Variants in CCDC170 observed in about 807,000 individuals in gnomAD.
CCDC170 encodes the protein coiled-coil domain containing 170, also known as coiled-coil domain-containing protein 170.
CCDC170 carries 69 observed loss-of-function variants against 72.6 expected under a neutral mutation model. The observed-to-expected ratio is 0.95, with a 90% confidence interval of 0.78 to 1.16. CCDC170 has a LOEUF of 1.16. Among genes scored for constraint, CCDC170 ranks in the 50% most tolerant of loss-of-function variants. The probability of loss-of-function intolerance (pLI) is 0.00; values close to 1 mark genes in which losing one functional copy is unlikely to be tolerated. For synonymous variants in CCDC170, 300 were observed against 303.9 expected (o/e 0.99, Z 0.13); for missense variants, 852 against 832.5 (o/e 1.02, Z -0.29).
At chr6:151,604,996 C>T (rs1350030563) in intron 9 of CCDC170, among the ~76,000 whole-genome samples, 24 of 152,110 alleles carry the variant, frequency 1.6e-4, no homozygotes, top group Admixed American at 1.5e-3. Context: ...AAACTTATTC[C>T]TTCTATCCAG....
At chr6:151,534,988 A>T (rs1046356454) in intron 1 of CCDC170, among the ~76,000 whole-genome samples, 4 of 152,182 alleles carry the variant, frequency 2.6e-5, no homozygotes, top group Admixed American at 2.6e-4. Context: ...TGGAAACTCC[A>T]TAGAGGTGGT....
At position 151,596,481 on chromosome 6, in the gene CCDC170, G is replaced by A; in HGVS notation, c.1614G>A (p.Leu538=). The stretch of plus-strand genomic sequence containing the variant: ...ACGCGCATCTTACCATCAGGAACTT[G>A]CAGAAGAAGGTGGAGAGGCTGCAGA... ...RDNAHLTIRN[L]QKKVERLQKE... The change falls in exon 9 of 11, where the codon TTG becomes TTA. Residue 538 remains leucine (L), a synonymous_variant. Coordinates refer to ENST00000239374, the MANE Select transcript of CCDC170 (RefSeq NM_025059.4). 1.2e-6 allele frequency: 2 copies of A among 1,614,116 alleles called. No individual in the cohort carries two copies. Among genetic ancestry groups the A allele is most frequent in the South Asian group, 1.1e-5 (1 of 91,084 alleles).
At chr6:151,604,139 C>T (rs1046426566) in intron 9 of CCDC170, among the ~76,000 whole-genome samples, 24 of 152,170 alleles carry the variant, frequency 1.6e-4, no homozygotes, top group African/African-American at 5.6e-4. Flanking sequence ...ATTCTTCAGC[C>T]ACCTGTGAAG....
intron 1 of CCDC170, among the ~76,000 whole-genome samples, chr6:151,516,355 G>C (rs918297487): frequency 7.9e-5 from 12 of 152,186 alleles, no homozygotes; most frequent in African/African-American, 2.9e-4. Flanking sequence ...TGGCCAAGAG[G>C]AGGTCTCCAT....
chr6:151,500,285 T>G (rs1781976938), intron 1 of CCDC170, among the ~76,000 whole-genome samples: 1 of 151,288 alleles, frequency 6.6e-6, no homozygotes, highest in African/African-American at 2.4e-5. Context: ...TCTAGTTGCA[T>G]GTCTTCATAT....
chr6:151,577,905 G>A (rs1776326948), intron 6 of CCDC170, among the ~76,000 whole-genome samples: 1 of 152,138 alleles, frequency 6.6e-6, no homozygotes, highest in African/African-American at 2.4e-5. Flanking sequence ...GTTTCATTCT[G>A]ACACAAAAAT....
rs1422528620 is a variant in CCDC170, at chr6:151,593,179, A to G, written c.1366A>G (p.Met456Val). Residue 456 changes from methionine to valine, a missense_variant, in exon 8 of 11, where the codon ATG (methionine) becomes GTG (valine). Met to Val is a conservative substitution (Grantham distance 21). Coordinates refer to ENST00000239374, the MANE Select transcript of CCDC170 (RefSeq NM_025059.4). Reference sequence around the variant, plus strand: ...GATGGCTGCCGAACTTGGCTTTGACATGCGGCTGGACGTGGTTTTAGCTCG... The same window carrying G: ...GATGGCTGCCGAACTTGGCTTTGACGTGCGGCTGGACGTGGTTTTAGCTCG... ...DQMAAELGFD[M>V]RLDVVLARTE... The G allele has an allele frequency of 1.2e-6, 2 of 1,614,192 alleles. No homozygotes were observed. Among genetic ancestry groups the G allele is most frequent in the South Asian group, 1.1e-5 (1 of 91,084 alleles).
At position 151,573,454 on chromosome 6, in the gene CCDC170, T is replaced by C; in HGVS notation, c.1055T>C (p.Ile352Thr). The C allele has an allele frequency of 6.2e-7, 1 of 1,614,068 alleles. No homozygotes were observed. The highest frequency in any genetic ancestry group is 8.5e-7 in the Non-Finnish European group (1 of 1,179,988). Residue 352 changes from isoleucine to threonine, a missense_variant, in exon 6 of 11, where the codon ATT becomes ACT. Ile to Thr is a moderately conservative substitution (Grantham distance 89, BLOSUM62 -1). Coordinates refer to ENST00000239374, the MANE Select transcript of CCDC170 (RefSeq NM_025059.4). ...ACTGAGGACACCATTTTGGAGAAGA[T>C]TCGAGAAATGGACAGCCGGGAAGAA... ...GSTEDTILEK[I>T]REMDSREESR... is the part of the protein sequence containing the mutation.
At chr6:151,542,444 A>G (rs1481543325) in intron 3 of CCDC170, among the ~76,000 whole-genome samples, 2 of 151,890 alleles carry the variant, frequency 1.3e-5, no homozygotes, top group African/African-American at 2.4e-5. Context: ...TTGGTCTTGA[A>G]TCCCTGGCCT....
chr6:151,500,699 A>G (rs897583887), intron 1 of CCDC170, among the ~76,000 whole-genome samples: 2 of 152,154 alleles, frequency 1.3e-5, no homozygotes, highest in Non-Finnish European at 2.9e-5. Context: ...GTCACTAAAT[A>G]ATGATAAAAA....
At chr6:151,594,703 G>T (rs150924875) in intron 8 of CCDC170, among the ~76,000 whole-genome samples, 3,583 of 151,568 alleles carry the variant, frequency 0.024, 143 homozygotes, top group African/African-American at 0.081. Context: ...CCAGGCTGGA[G>T]TGCAATGGTG....
intron 1 of CCDC170, among the ~76,000 whole-genome samples, chr6:151,516,956 A>G (rs975594953): frequency 6.6e-6 from 1 of 152,236 alleles, no homozygotes; most frequent in Non-Finnish European, 1.5e-5. Flanking sequence ...TTTTGGCACA[A>G]CTGCCAACTT....
Position 151,570,355 on chromosome 6 carries a change from G to A in CCDC170, c.775-2819G>A, listed in dbSNP as rs555695388. ...TAACCACACATCAGACTGTGCAGTC[G>A]ACCCTCTGCATCCACAAGTTCCACA... On this transcript the variant is annotated intron_variant, in intron 5 of 10. Coordinates refer to ENST00000239374, the MANE Select transcript of CCDC170 (RefSeq NM_025059.4). Among the ~76,000 whole-genome samples the A allele has an allele frequency of 7.9e-5, 12 of 152,100 alleles. No homozygotes were observed. The East Asian group carries it at 2.1e-3, about 27-fold the overall frequency.
chr6:151,532,792 TG>T (rs1359877129), intron 1 of CCDC170, among the ~76,000 whole-genome samples: 1 of 152,172 alleles, frequency 6.6e-6, no homozygotes, highest in Non-Finnish European at 1.5e-5. Context: ...GAATTTCATA[TG>T]GGAAAATGAA....
chr6:151,583,874 C>A (rs1171158879), intron 6 of CCDC170, among the ~76,000 whole-genome samples: 1 of 152,096 alleles, frequency 6.6e-6, no homozygotes, highest in Admixed American at 6.6e-5. Context: ...GTGGGGTCAG[C>A]CAGTTAGTGG....
At chr6:151,606,206 C>T (rs1040852582) in intron 9 of CCDC170, among the ~76,000 whole-genome samples, 2 of 152,162 alleles carry the variant, frequency 1.3e-5, no homozygotes, top group African/African-American at 4.8e-5. Context: ...CTGGCCTATG[C>T]CACCATTTTG....
intron 1 of CCDC170, among the ~76,000 whole-genome samples, chr6:151,495,586 C>A (rs1188344654): frequency 2.0e-5 from 3 of 152,026 alleles, no homozygotes; most frequent in African/African-American, 7.2e-5. Flanking sequence ...CGCCTTGACA[C>A]CCCTGGGTTC....
chr6:151,618,397 T>G lies in CCDC170; in HGVS notation c.*250T>G. 2.1e-6 allele frequency: 1 copy of G among 482,756 alleles called. No individual in the cohort carries two copies. The highest frequency in any genetic ancestry group is 3.1e-5 in the South Asian group (1 of 32,346). 29.9% of individuals were successfully genotyped at this position (482,756 alleles called of 1,614,324 possible). ...AAGAATTCCACCAGATTGCATGAGT[T>G]AGATTGGGAAATGGGAGTGGGAGAT... On this transcript the variant is annotated 3_prime_UTR_variant, in exon 11 of 11. Transcript: ENST00000239374.
chr6:151,545,690 A>C (rs1345489705), intron 4 of CCDC170, among the ~76,000 whole-genome samples: 2 of 152,096 alleles, frequency 1.3e-5, no homozygotes, highest in Non-Finnish European at 2.9e-5. Context: ...GCTGGAGTAC[A>C]GTGATATGAT....
Sources: gnomAD v4.1 joint callset for allele counts (sites outside exome capture counted in the v4.1 genomes callset) on GRCh38, gnomAD v4.1.1 for gene constraint, MANE v1.5 for transcripts, NCBI Gene and HGNC (gene_info 2026-07-23, HGNC 2026-07-21) for gene names.